Variants in CCDC149 observed in about 807,000 individuals in gnomAD.
CCDC149 encodes coiled-coil domain-containing protein 149.
CCDC149 carries 45 observed loss-of-function variants against 59.9 expected under a neutral mutation model. That is an observed-to-expected ratio of 0.75 (90% confidence interval 0.59 to 0.96). CCDC149 has a LOEUF of 0.96. CCDC149 is among the 40% of genes least tolerant of loss of function. The pLI is 0.00. For missense variants in CCDC149, 584 were observed against 664.7 expected, an observed-to-expected ratio of 0.88 and a Z score of 1.33; for synonymous variants, 245 against 260.6, an observed-to-expected ratio of 0.94 and a Z score of 0.58.
At chr4:24,891,523 T>C (rs546567726) in intron 1 of CCDC149, among the ~76,000 whole-genome samples, 2 of 152,342 alleles carry the variant, frequency 1.3e-5, no homozygotes, top group African/African-American at 4.8e-5. Context: ...ACCACCACCA[T>C]CATCACCTCT....
At chr4:24,878,713 C>T (rs749582716) in intron 1 of CCDC149, among the ~76,000 whole-genome samples, 8 of 152,192 alleles carry the variant, frequency 5.3e-5, no homozygotes, top group African/African-American at 7.2e-5. Context: ...TCGTGCCTTC[C>T]GACTTAGGGG....
At chr4:24,894,716 T>C (rs537484520) in intron 1 of CCDC149, among the ~76,000 whole-genome samples, 143 of 151,448 alleles carry the variant, frequency 9.4e-4, no homozygotes, top group Middle Eastern at 3.4e-3. Flanking sequence ...CAACGTGTGT[T>C]AGGATGTGAG....
At chr4:24,846,180 T>C (rs958126160) in intron 4 of CCDC149, among the ~76,000 whole-genome samples, 3 of 152,138 alleles carry the variant, frequency 2.0e-5, no homozygotes, top group Non-Finnish European at 4.4e-5. Flanking sequence ...AATAAAACAT[T>C]AGACACTGCT....
At chr4:24,862,489 C>G (rs1718444638) in intron 3 of CCDC149, among the ~76,000 whole-genome samples, 1 of 152,202 alleles carries the variant, frequency 6.6e-6, no homozygotes, top group African/African-American at 2.4e-5. Flanking sequence ...TCCCTGGCTA[C>G]TCGCTGTGGT....
chr4:24,928,942 C>A (rs1299121681), intron 1 of CCDC149, among the ~76,000 whole-genome samples: 1 of 152,190 alleles, frequency 6.6e-6, no homozygotes, highest in East Asian at 1.9e-4. Flanking sequence ...AATGATCTTG[C>A]ATTATTGCTA....
chr4:24,813,527 T>TATATATATATATATATATAA (rs1405803152), intron 12 of CCDC149, among the ~76,000 whole-genome samples: 7 of 91,264 alleles, frequency 7.7e-5, no homozygotes, highest in African/African-American at 2.7e-4. Context: ...TATATATATA[T>TATATATATATATATATATAA]AAAACCTAAA....
At chr4:24,826,483 G>T (rs575690201) in intron 9 of CCDC149, among the ~76,000 whole-genome samples, 1 of 152,104 alleles carries the variant, frequency 6.6e-6, no homozygotes, top group Non-Finnish European at 1.5e-5. Flanking sequence ...GATGCCTGTG[G>T]GAGATCTGTG....
chr4:24,818,841 A>G (rs1186368821), intron 12 of CCDC149, among the ~76,000 whole-genome samples: 1 of 152,190 alleles, frequency 6.6e-6, no homozygotes, highest in Non-Finnish European at 1.5e-5. Context: ...TATTCTACTA[A>G]TCAAACAGAC....
At chr4:24,895,580 A>G (rs1212188579) in intron 1 of CCDC149, among the ~76,000 whole-genome samples, 1 of 152,150 alleles carries the variant, frequency 6.6e-6, no homozygotes, top group East Asian at 1.9e-4. Context: ...TCTCTAGATA[A>G]CACCTTCAGT....
intron 2 of CCDC149, among the ~76,000 whole-genome samples, chr4:24,876,328 C>T (rs926455062): frequency 6.8e-5 from 10 of 146,312 alleles, no homozygotes; most frequent in African/African-American, 2.6e-4. Flanking sequence ...CACACACACA[C>T]ACACACACAC....
chr4:24,878,315 C>T (rs1223210302), intron 1 of CCDC149, among the ~76,000 whole-genome samples: 1 of 150,334 alleles, frequency 6.7e-6, no homozygotes, highest in Non-Finnish European at 1.5e-5. Flanking sequence ...TAAAAAAGGA[C>T]ACTTCCACCT....
chr4:24,860,999 T>C (rs971927379), intron 3 of CCDC149, among the ~76,000 whole-genome samples: 15 of 152,242 alleles, frequency 9.9e-5, no homozygotes, highest in African/African-American at 3.4e-4. Context: ...AGGGAACACT[T>C]TTACACTGCT....
intron 1 of CCDC149, among the ~76,000 whole-genome samples, chr4:24,912,412 G>A (rs1721927631): frequency 6.6e-6 from 1 of 152,122 alleles, no homozygotes; most frequent in African/African-American, 2.4e-5. Context: ...TTCCACCCCA[G>A]GGCTCGGATT....
intron 1 of CCDC149, among the ~76,000 whole-genome samples, chr4:24,903,123 C>A (rs1490789577): frequency 6.6e-6 from 1 of 150,746 alleles, no homozygotes; most frequent in Admixed American, 6.6e-5. Flanking sequence ...CCCTAATTCT[C>A]CCCCATATAT....
chr4:24,902,029 G>A (rs1721199964), intron 1 of CCDC149, among the ~76,000 whole-genome samples: 1 of 152,214 alleles, frequency 6.6e-6, no homozygotes, highest in Non-Finnish European at 1.5e-5. Flanking sequence ...TAAGTGCTAA[G>A]GTTACATATG....
chr4:24,884,831 CT>C (rs1720061804), intron 1 of CCDC149, among the ~76,000 whole-genome samples: 1 of 152,170 alleles, frequency 6.6e-6, no homozygotes, highest in Admixed American at 6.5e-5. Context: ...ATCATTACTA[CT>C]ATTGTTATCA....
intron 12 of CCDC149, among the ~76,000 whole-genome samples, chr4:24,814,881 C>A (rs1714913209): frequency 6.6e-6 from 1 of 152,206 alleles, no homozygotes; most frequent in Non-Finnish European, 1.5e-5. Flanking sequence ...CTGTCCCCAG[C>A]ACCTATACTT....
intron 1 of CCDC149, among the ~76,000 whole-genome samples, chr4:24,905,497 G>A (rs963880270): frequency 1.6e-4 from 24 of 151,414 alleles, no homozygotes; most frequent in African/African-American, 5.3e-4. Context: ...GTTCAGTGGC[G>A]TGATCTCTGC....
chr4:24,881,956 C>T (rs1196337878), intron 1 of CCDC149, among the ~76,000 whole-genome samples: 3 of 152,122 alleles, frequency 2.0e-5, no homozygotes, highest in African/African-American at 7.2e-5. Context: ...GCCTGTGGAA[C>T]CCCAGCTCCT....
Sources: allele counts gnomAD v4.1 joint callset (sites outside exome capture counted in the v4.1 genomes callset), GRCh38; gene constraint gnomAD v4.1.1; transcripts MANE v1.5; gene names NCBI Gene and HGNC (gene_info 2026-07-23, HGNC 2026-07-21).